The following SLAIN1 variants were observed in gnomAD, a reference collection of about 807,000 sequenced individuals.
SLAIN1 encodes the protein SLAIN family member 1.
SLAIN1 carries 17 observed loss-of-function variants against 55.4 expected under a neutral mutation model. That is an observed-to-expected ratio of 0.31 (90% CI 0.21 to 0.46). The LOEUF is 0.46. SLAIN1 is among the 20% of genes least tolerant of loss of function. The probability of loss-of-function intolerance (pLI) is 1.00; values close to 1 mark genes in which losing one functional copy is unlikely to be tolerated. For missense variants in SLAIN1, 682 were observed against 785.1 expected (o/e 0.87, Z 1.57); for synonymous variants, 348 against 337.4 (o/e 1.03, Z -0.35).
At chr13:77,719,833 A>G (rs372891985) in intron 2 of SLAIN1, among the ~76,000 whole-genome samples, 162 bp downstream of exon 2, 4 of 152,170 alleles carry the variant, frequency 2.6e-5, no homozygotes, top group African/African-American at 9.7e-5. Context: ...AGCTTTCTCA[A>G]TGTAAGATGT....
At chr13:77,749,626 A>G (rs147459144) in intron 4 of SLAIN1, among the ~76,000 whole-genome samples, 6 of 152,300 alleles carry the variant, frequency 3.9e-5, no homozygotes, top group Admixed American at 1.3e-4. Context: ...TTCCTGCTGC[A>G]TCTCAGCCCT....
chr13:77,760,028 C>T (rs1874893977), intron 5 of SLAIN1, among the ~76,000 whole-genome samples: 1 of 152,114 alleles, frequency 6.6e-6, no homozygotes, highest in African/African-American at 2.4e-5. Flanking sequence ...GTAAATTCAA[C>T]TGTTTTAGAA....
At chr13:77,717,090 G>A (rs949153872) in intron 1 of SLAIN1, among the ~76,000 whole-genome samples, 5 of 151,746 alleles carry the variant, frequency 3.3e-5, no homozygotes, top group Non-Finnish European at 4.4e-5. Context: ...TTTTTCTATT[G>A]ATATTATATA....
At chr13:77,763,045 T>A in intron 6 of SLAIN1, 100 bp from the exon 7 acceptor site, 1 of 964,918 alleles carries the variant, frequency 1.0e-6, no homozygotes, top group Non-Finnish European at 1.6e-6. Context: ...TTCTCATTAC[T>A]GCAGTGGAAG....
chr13:77,755,991 A>G (rs955634626), intron 5 of SLAIN1, among the ~76,000 whole-genome samples: 2 of 152,162 alleles, frequency 1.3e-5, no homozygotes, highest in African/African-American at 2.4e-5. Flanking sequence ...GGTAGGATAG[A>G]GAGTTGGAAA....
chr13:77,713,721 C>G (rs1298334539), intron 1 of SLAIN1, among the ~76,000 whole-genome samples: 1 of 152,070 alleles, frequency 6.6e-6, no homozygotes, highest in African/African-American at 2.4e-5. Flanking sequence ...CACATGCACA[C>G]GTATGTTTAT....
intron 1 of SLAIN1, among the ~76,000 whole-genome samples, chr13:77,699,708 G>A (rs575724542): frequency 2.4e-4 from 36 of 152,156 alleles, no homozygotes; most frequent in Non-Finnish European, 4.9e-4. Flanking sequence ...AATATATGGA[G>A]TTACAGTAAG....
chr13:77,760,329 C>G (rs1874914534), intron 5 of SLAIN1, among the ~76,000 whole-genome samples: 1 of 152,036 alleles, frequency 6.6e-6, no homozygotes, highest in Admixed American at 6.6e-5. Context: ...TGTAATAATG[C>G]CCAGCAACTC....
intron 1 of SLAIN1, among the ~76,000 whole-genome samples, chr13:77,708,776 C>A (rs941379318): frequency 6.6e-6 from 1 of 151,990 alleles, no homozygotes; most frequent in African/African-American, 2.4e-5. Flanking sequence ...CATCAAAGAC[C>A]AAAGGTAGAT....
intron 1 of SLAIN1, chr13:77,699,243 T>G (rs2091006869): frequency 5.2e-6 from 2 of 381,006 alleles, no homozygotes; most frequent in Admixed American, 8.6e-5. Flanking sequence ...ACTTTTTTAT[T>G]TATTTATTTA....
At position 77,764,167 on chromosome 13, in the gene SLAIN1, A is replaced by G. The variant is rs954295009; in HGVS notation, c.*947A>G. On this transcript the variant is annotated 3_prime_UTR_variant, in exon 7 of 7. Transcript: ENST00000418532. ...ATGCTTTCTTATGGCATATAACTTAATATTTGTTACTGTGTACACTGCTGT... is the reference window on the plus strand; with the variant it reads ...ATGCTTTCTTATGGCATATAACTTAGTATTTGTTACTGTGTACACTGCTGT... 3 of 152,608 alleles carry G rather than the reference A, an allele frequency of 2.0e-5. No individual in the cohort carries two copies. The highest frequency in any genetic ancestry group is 7.2e-5 in the African/African-American group (3 of 41,450). 9.5% of individuals were successfully genotyped at this position (152,608 alleles called of 1,614,324 possible).
intron 4 of SLAIN1, among the ~76,000 whole-genome samples, chr13:77,749,978 G>A (rs1020981717): frequency 6.6e-6 from 1 of 152,160 alleles, no homozygotes; most frequent in African/African-American, 2.4e-5. Flanking sequence ...TGATTGGATC[G>A]TGGTTTAGAG....
intron 1 of SLAIN1, among the ~76,000 whole-genome samples, chr13:77,710,088 T>C (rs920193540): frequency 1.3e-5 from 2 of 151,818 alleles, no homozygotes; most frequent in Non-Finnish European, 2.9e-5. Context: ...GAACTAACAA[T>C]GGAAAGGAAA....
Position 77,698,750 on chromosome 13 carries a change from C to A in SLAIN1, c.626+211C>A, listed in dbSNP as rs2091000040. 12 of 1,121,764 alleles carry A rather than the reference C, an allele frequency of 1.1e-5. No individual in the cohort carries two copies. The South Asian group carries it at 1.2e-4, about 11-fold the overall frequency. The allele number at this position is 1,121,764 out of a possible 1,614,324, so 69.5% of individuals were successfully genotyped here. ...TGAAGGCAGAAACCTGTTTTCTAAT[C>A]GCTCCGACTGCGGATGAACCGGCCC... On this transcript the variant is annotated intron_variant, in intron 1 of 6. Transcript: ENST00000418532. The surrounding 1 kb of genome is among the most constrained non-coding windows in gnomAD (Gnocchi z 4.1).
chr13:77,728,321 T>A (rs1368902056), intron 2 of SLAIN1, among the ~76,000 whole-genome samples: 4 of 152,112 alleles, frequency 2.6e-5, no homozygotes, highest in African/African-American at 7.2e-5. Flanking sequence ...CAAATAATGA[T>A]CAAAGGCTTA....
intron 1 of SLAIN1, 33 bp from the exon 2 acceptor site, chr13:77,719,499 A>ATCAT (rs1566226852): frequency 6.4e-7 from 1 of 1,557,274 alleles, no homozygotes; most frequent in African/African-American, 1.4e-5. Context: ...GTATACCTAT[A>ATCAT]TCATACCTAT....
At chr13:77,706,634 A>T (rs2091092797) in intron 1 of SLAIN1, among the ~76,000 whole-genome samples, 1 of 151,810 alleles carries the variant, frequency 6.6e-6, no homozygotes, top group Non-Finnish European at 1.5e-5. Flanking sequence ...TTTCTTGGCA[A>T]TGTGGATTCC....
chr13:77,717,230 A>T (rs995168688), intron 1 of SLAIN1, among the ~76,000 whole-genome samples: 1 of 152,130 alleles, frequency 6.6e-6, no homozygotes, highest in Non-Finnish European at 1.5e-5. Flanking sequence ...CAATTTACTG[A>T]AATATTTAGA....
rs557830823 is a variant in SLAIN1 at position 77,733,430 on chromosome 13, CTG to C, written c.767-10851_767-10850del. Among the ~76,000 whole-genome samples, 7 of 152,156 alleles carry C rather than the reference CTG, an allele frequency of 4.6e-5. No individual in the cohort carries two copies. The South Asian group carries it at 1.5e-3, about 32-fold the overall frequency. On this transcript the variant is annotated intron_variant, in intron 2 of 6. Coordinates refer to ENST00000418532, the MANE Select transcript of SLAIN1 (RefSeq NM_001242868.2). ...AATTGGAAGTTTAAAGATTGAGTAT[CTG>C]TAGTATCCTGGTATCATAGGTACTC... is the stretch of plus-strand genomic sequence containing the variant.
Sources: allele counts gnomAD v4.1 joint callset (sites outside exome capture counted in the v4.1 genomes callset), GRCh38; gene constraint gnomAD v4.1.1; non-coding constraint Gnocchi (gnomAD v3.1); transcripts MANE v1.5; gene names NCBI Gene and HGNC (gene_info 2026-07-23, HGNC 2026-07-21).